SMTNL1: variants seen among roughly 807,000 people sequenced by gnomAD.
SMTNL1 encodes the protein smoothelin-like protein 1.
In SMTNL1, 41 loss-of-function variants were observed where a neutral mutation model predicts 46.6. The ratio of observed to expected loss-of-function variants is 0.88; its 90% CI spans 0.69 to 1.14. The LOEUF is 1.14. Ranked by LOEUF, SMTNL1 falls within the 50% of genes most tolerant of loss-of-function variation. SMTNL1 has a pLI of 0.00. For missense variants in SMTNL1, 591 were observed against 626.1 expected, an observed-to-expected ratio of 0.94 and a Z score of 0.60; for synonymous variants, 234 against 234.2, an observed-to-expected ratio of 1.00 and a Z score of 0.01.
intron 1 of SMTNL1, among the ~76,000 whole-genome samples, chr11:57,540,855 C>T (rs1257197357): frequency 2.6e-5 from 4 of 152,084 alleles, no homozygotes; most frequent in Admixed American, 6.5e-5. Flanking sequence ...GGATTACAGG[C>T]GTCTGCCACC....
intron 4 of SMTNL1, 68 bp from the exon 5 acceptor site, chr11:57,545,809 CACAG>C: frequency 5.5e-6 from 8 of 1,450,732 alleles, no homozygotes; most frequent in Non-Finnish European, 7.5e-6. Context: ...CCTCCAGCCC[CACAG>C]CCCCCTCCCT....
Position 57,543,766 on chromosome 11 carries a change from A to C in SMTNL1, c.865+10A>C. The stretch of plus-strand genomic sequence containing the variant: ...CACAACCTCAGCACAGGTGAGTGAG[A>C]GCCCAGAGCCCATGGGATGCTGCAG... On this transcript the variant is annotated intron_variant, in intron 3 of 7. Transcript: ENST00000527972. The C allele has an allele frequency of 1.3e-6, 2 of 1,556,782 alleles. No homozygotes were observed. Among genetic ancestry groups the C allele is most frequent in the Non-Finnish European group, 1.7e-6 (2 of 1,150,054 alleles).
At chr11:57,541,561 C>G in intron 1 of SMTNL1, 1 of 1,366,690 alleles carries the variant, frequency 7.3e-7, no homozygotes, top group African/African-American at 1.5e-5. Flanking sequence ...AGGGAGAGTA[C>G]GGCTCCATTC....
chr11:57,549,341 T>A (rs1944942170), intron 7 of SMTNL1, among the ~76,000 whole-genome samples: 1 of 151,832 alleles, frequency 6.6e-6, no homozygotes, highest in Non-Finnish European at 1.5e-5. Flanking sequence ...AAATTCTTCC[T>A]GAGGGGCCTG....
chr11:57,538,244 C>T (rs759867248), intron 1 of SMTNL1, among the ~76,000 whole-genome samples: 4 of 152,280 alleles, frequency 2.6e-5, no homozygotes, highest in Admixed American at 1.3e-4. Context: ...AACCAGATGA[C>T]AGATGAGGCT....
At chr11:57,542,113 A>AAACAC (rs59309454) in intron 1 of SMTNL1, among the ~76,000 whole-genome samples, 1 of 105,452 alleles carries the variant, frequency 9.5e-6, no homozygotes, top group African/African-American at 3.5e-5. Flanking sequence ...ACAAAAAAAA[A>AAACAC]ACACACACAC....
intron 7 of SMTNL1, among the ~76,000 whole-genome samples, chr11:57,548,584 C>T (rs1189487922): frequency 1.3e-5 from 2 of 152,182 alleles, no homozygotes; most frequent in Non-Finnish European, 2.9e-5. Context: ...GCAGGAGAAT[C>T]ACTTGAATCC....
rs1944923468 is a variant in SMTNL1 at position 57,546,333 on chromosome 11, A to G, written c.1174A>G (p.Thr392Ala). 1 of 1,609,234 alleles carries G rather than the reference A, an allele frequency of 6.2e-7. No individual in the cohort carries two copies. The highest frequency in any genetic ancestry group is 8.5e-7 in the Non-Finnish European group (1 of 1,177,914). The change falls in exon 6 of 8, where the codon ACA (threonine) becomes GCA (alanine). Residue 392 changes from threonine (T) to alanine (A), a missense_variant. Transcript: ENST00000527972. Reference protein sequence around the residue: ...NMLLEWCRAMTKKYEHVDIQN... With the variant: ...NMLLEWCRAMAKKYEHVDIQN... ...GCTCTTGGAGTGGTGCCGAGCCATG[A>G]CAAAAAAATACGAGGTGGGCATGGG... is the stretch of plus-strand genomic sequence containing the variant.
In SMTNL1 at chr11:57,549,151, G is replaced by A. The variant is rs553202975; in HGVS notation, c.1341-817G>A. 1.3e-4 allele frequency among the ~76,000 whole-genome samples: 19 copies of A among 151,338 alleles called. No individual in the cohort carries two copies. The South Asian group carries it at 2.9e-3, about 23-fold the overall frequency. ...AGTGATTCTCATGCCTCAGCCTCCC[G>A]AGTAACTGGGAATACAGGTGCCTGC... On this transcript the variant is annotated intron_variant, in intron 7 of 7. Coordinates refer to ENST00000527972, the MANE Select transcript of SMTNL1 (RefSeq NM_001105565.3).
Position 57,546,552 on chromosome 11 carries a change from T to C in SMTNL1, c.1240T>C (p.Cys414Arg), listed in dbSNP as rs1944925182. The change falls in exon 7 of 8, where the codon TGT becomes CGT. Residue 414 changes from cysteine to arginine, a missense_variant. Physicochemically the swap from Cys to Arg is radical, Grantham distance 180. Transcript: ENST00000527972. ...CAGCTGGAGCAGTGGTATGGCCTTCTGTGCCCTCATCCACAAGTTCTTCCC... is the reference window on the plus strand; with the variant it reads ...CAGCTGGAGCAGTGGTATGGCCTTCCGTGCCCTCATCCACAAGTTCTTCCC... ...SSSWSSGMAF[C>R]ALIHKFFPDA... 6.2e-7 allele frequency: 1 copy of C among 1,614,232 alleles called. No homozygotes were observed. The highest frequency in any genetic ancestry group is 8.5e-7 in the Non-Finnish European group (1 of 1,180,024).
At chr11:57,547,923 G>C (rs1944933206) in intron 7 of SMTNL1, among the ~76,000 whole-genome samples, 1 of 152,228 alleles carries the variant, frequency 6.6e-6, no homozygotes, top group Admixed American at 6.5e-5. Flanking sequence ...CCTATGGCTG[G>C]CTTTGGTAGG....
chr11:57,542,592 C>T (rs1305792455), intron 1 of SMTNL1, 49 bp from the exon 2 acceptor site: 6 of 1,539,250 alleles, frequency 3.9e-6, no homozygotes, highest in Non-Finnish European at 4.4e-6. Flanking sequence ...GGGTCTTCAC[C>T]TCATGCTGGG....
At position 57,545,945 on chromosome 11, in the gene SMTNL1, G is replaced by C; in HGVS notation, c.982G>C (p.Glu328Gln). 1.2e-6 allele frequency: 2 copies of C among 1,613,744 alleles called. No individual in the cohort carries two copies. The highest frequency in any genetic ancestry group is 1.7e-6 in the Non-Finnish European group (2 of 1,179,786). ...GTCCCCTTCCTCAGGGGAGAAGAAG[G>C]AGAAGGCACCAGAGCGCAGGGTATC... ...PESPSSGEKK[E>Q]KAPERRVSAP... is the part of the protein sequence containing the mutation. Residue 328 changes from glutamate to glutamine, a missense_variant, in exon 5 of 8, where the codon GAG (glutamate) becomes CAG (glutamine). Transcript: ENST00000527972.
At chr11:57,548,702 T>TA (rs1369821285) in intron 7 of SMTNL1, among the ~76,000 whole-genome samples, 12 of 151,962 alleles carry the variant, frequency 7.9e-5, no homozygotes, top group African/African-American at 1.7e-4. Flanking sequence ...TAAAAATATA[T>TA]AAAAAATACC....
At chr11:57,545,800 CT>C in intron 4 of SMTNL1, 80 bp from the exon 5 acceptor site, 2 of 1,308,406 alleles carry the variant, frequency 1.5e-6, no homozygotes, top group Non-Finnish European at 2.1e-6. Flanking sequence ...GCCACCCACC[CT>C]CCAGCCCCAC....
chr11:57,543,525 C>A (rs1229866599), intron 2 of SMTNL1, 99 bp from the exon 3 acceptor site: 5 of 1,529,240 alleles, frequency 3.3e-6, no homozygotes, highest in Non-Finnish European at 4.4e-6. Flanking sequence ...GAGTGCAGCA[C>A]CGTAGTCCCA....
chr11:57,541,367 T>C (rs1473357475), intron 1 of SMTNL1: 3 of 521,226 alleles, frequency 5.8e-6, no homozygotes, highest in Non-Finnish European at 6.1e-6. Flanking sequence ...GATTGTTTTC[T>C]TTGTAACTAC....
At chr11:57,544,103 G>A (rs899960811) in intron 4 of SMTNL1, among the ~76,000 whole-genome samples, 183 bp downstream of exon 4, 3 of 152,258 alleles carry the variant, frequency 2.0e-5, no homozygotes, top group Non-Finnish European at 2.9e-5. Context: ...GGCATGGTCG[G>A]CTGCAGTGGC....
Position 57,542,680 on chromosome 11 carries a change from C to A in SMTNL1, c.38C>A (p.Thr13Asn). The change falls in exon 2 of 8, where the codon ACC (threonine) becomes AAC (asparagine). Residue 13 changes from threonine to asparagine, a missense_variant. Transcript: ENST00000527972. Reference sequence around the variant, plus strand: ...GAAGGGAAGCTCTCTGAGGATGGGACCACCGTCTCCCCAGCTGCGGACAAC... The same window carrying A: ...GAAGGGAAGCTCTCTGAGGATGGGAACACCGTCTCCCCAGCTGCGGACAAC... ...QKEGKLSEDGTTVSPAADNPE... is the reference protein window; with the variant it reads ...QKEGKLSEDGNTVSPAADNPE... The A allele has an allele frequency of 6.2e-7, 1 of 1,613,110 alleles. No individual in the cohort carries two copies. Among genetic ancestry groups the A allele is most frequent in the African/African-American group, 1.3e-5 (1 of 75,014 alleles).
Sources: allele counts gnomAD v4.1 joint callset (sites outside exome capture counted in the v4.1 genomes callset), GRCh38; gene constraint gnomAD v4.1.1; transcripts MANE v1.5; gene names NCBI Gene and HGNC (gene_info 2026-07-23, HGNC 2026-07-21).